ZFHX3: variants seen among roughly 807,000 people sequenced by gnomAD.
ZFHX3 encodes zinc finger homeobox 3.
ZFHX3 carries 42 observed loss-of-function variants against 279.1 expected under a neutral mutation model. The ratio of observed to expected loss-of-function variants is 0.15; its 90% confidence interval spans 0.12 to 0.19. The LOEUF is 0.19. Among genes scored for constraint, ZFHX3 ranks in the 10% least tolerant of loss-of-function variants. ZFHX3 has a pLI of 1.00. For synonymous variants in ZFHX3, 2,293 were observed against 1,957.8 expected, an observed-to-expected ratio of 1.17 and a Z score of -4.52; for missense variants, 4,981 against 4,754.0, an observed-to-expected ratio of 1.05 and a Z score of -1.40.
intron 1 of ZFHX3, among the ~76,000 whole-genome samples, chr16:73,776,860 C>A (rs1044849893): frequency 5.3e-5 from 8 of 152,136 alleles, no homozygotes; most frequent in African/African-American, 1.9e-4. Context: ...TGCCAGCTGT[C>A]CATATAAGCA....
intron 2 of ZFHX3, among the ~76,000 whole-genome samples, chr16:73,467,178 A>G (rs559461727): frequency 6.7e-4 from 102 of 152,226 alleles, no homozygotes; most frequent in Non-Finnish European, 1.2e-3. Context: ...AGGAGTCAGG[A>G]AAAGAGAGGG....
intron 3 of ZFHX3, among the ~76,000 whole-genome samples, chr16:73,394,999 T>A (rs2017098876): frequency 6.6e-6 from 1 of 152,082 alleles, no homozygotes; most frequent in Non-Finnish European, 1.5e-5. Flanking sequence ...AGAGCAGTGG[T>A]TTTCAATAAG....
At chr16:73,813,229 TTCTCTCTCTC>T (rs3082305) in intron 1 of ZFHX3, among the ~76,000 whole-genome samples, 8 of 147,736 alleles carry the variant, frequency 5.4e-5, no homozygotes, top group African/African-American at 9.9e-5. Flanking sequence ...CTCTTTCTCT[TTCTCTCTCTC>T]TCTCTCTCTC....
In ZFHX3 at chr16:72,958,494, C is replaced by A; in HGVS notation, c.1652G>T (p.Ser551Ile). The A allele has an allele frequency of 6.2e-7, 1 of 1,614,118 alleles. No homozygotes were observed. Among genetic ancestry groups the A allele is most frequent in the Non-Finnish European group, 8.5e-7 (1 of 1,180,046 alleles). ...QTLSRGTAST[S>I]SNSASSFVVF... ...AACAAAGGAAGAAGCAGAATTAGAACTAGTAGAAGCTGTGCCCCTCGACAG... is the reference window on the plus strand; with the variant it reads ...AACAAAGGAAGAAGCAGAATTAGAAATAGTAGAAGCTGTGCCCCTCGACAG... Residue 551 changes from serine (S) to isoleucine (I), a missense_variant, in exon 2 of 10, where the codon AGT becomes ATT. Ser to Ile is a moderately radical substitution (Grantham distance 142). Transcript: ENST00000268489.
intron 4 of ZFHX3, among the ~76,000 whole-genome samples, chr16:72,838,760 T>G (rs1318715264): frequency 6.6e-6 from 1 of 152,200 alleles, no homozygotes; most frequent in Admixed American, 6.5e-5. Context: ...TGCAACAAGT[T>G]CCATTTATCT....
At chr16:73,835,056 T>A (rs1961102391) in intron 1 of ZFHX3, among the ~76,000 whole-genome samples, 1 of 152,128 alleles carries the variant, frequency 6.6e-6, no homozygotes, top group Non-Finnish European at 1.5e-5. Flanking sequence ...GAAAAGGTGT[T>A]CTGGTAGCAA....
chr16:73,672,041 G>C (rs2142185843), intron 2 of ZFHX3, among the ~76,000 whole-genome samples: 1 of 145,898 alleles, frequency 6.9e-6, no homozygotes, highest in South Asian at 2.1e-4. Flanking sequence ...ACAGATCTGA[G>C]GGGAAAAAAA....
At chr16:73,036,868 A>G (rs1245646702) in intron 1 of ZFHX3, among the ~76,000 whole-genome samples, 1 of 152,224 alleles carries the variant, frequency 6.6e-6, no homozygotes, top group Admixed American at 6.5e-5. Flanking sequence ...CCTACTCAAG[A>G]GGTGAAGCGA....
chr16:73,698,408 T>A (rs1022396120), intron 1 of ZFHX3, among the ~76,000 whole-genome samples: 2 of 152,136 alleles, frequency 1.3e-5, no homozygotes, highest in African/African-American at 4.8e-5. Flanking sequence ...GATGCTAATA[T>A]CGGTGGGTGA....
chr16:73,681,664 G>C (rs1389123720), intron 1 of ZFHX3, among the ~76,000 whole-genome samples: 1 of 152,136 alleles, frequency 6.6e-6, no homozygotes, highest in Admixed American at 6.5e-5. Context: ...GATAGGAGTT[G>C]CCCAAAGACA....
intron 1 of ZFHX3, among the ~76,000 whole-genome samples, chr16:73,813,560 A>G (rs146867937): frequency 1.2e-3 from 190 of 152,050 alleles, no homozygotes; most frequent in Admixed American, 1.8e-3. Flanking sequence ...GGCATTGCAT[A>G]CCCCTTCCTT....
intron 1 of ZFHX3, among the ~76,000 whole-genome samples, chr16:73,816,649 G>C (rs1157459599): frequency 6.6e-6 from 1 of 152,176 alleles, no homozygotes; most frequent in Non-Finnish European, 1.5e-5. Context: ...GAGAAAAAGA[G>C]AGAGGGCTGA....
chr16:72,997,213 G>A lies in ZFHX3; in HGVS notation c.-49-37019C>T, dbSNP rs74028180. ...CTCCCATCTGTCACTGGCGGGGTAA[G>A]ATCTGTCTTGCATATCATGGCGGTC... On this transcript the variant is annotated intron_variant, in intron 1 of 9. Coordinates refer to ENST00000268489, the MANE Select transcript of ZFHX3 (RefSeq NM_006885.4). 7.4e-3 allele frequency among the ~76,000 whole-genome samples: 1,134 copies of A among 152,306 alleles called. 11 individuals carry two copies. Among genetic ancestry groups the A allele is most frequent in the African/African-American group, 0.025 (1,034 of 41,558 alleles).
chr16:73,457,743 C>T (rs1339441411), intron 2 of ZFHX3, among the ~76,000 whole-genome samples: 1 of 152,154 alleles, frequency 6.6e-6, no homozygotes, highest in Admixed American at 6.5e-5. Flanking sequence ...CCACTGCACT[C>T]CGGCCTGGGC....
At chr16:73,178,481 A>C (rs1253243259) in intron 5 of ZFHX3, among the ~76,000 whole-genome samples, 1 of 151,954 alleles carries the variant, frequency 6.6e-6, no homozygotes, top group African/African-American at 2.4e-5. Flanking sequence ...CCCTACCCCA[A>C]AGACTCCTTC....
chr16:73,156,414 T>C (rs113557892), intron 5 of ZFHX3, among the ~76,000 whole-genome samples: 142 of 152,146 alleles, frequency 9.3e-4, no homozygotes, highest in African/African-American at 2.9e-3. Context: ...ATGGGGTAGA[T>C]TGCAAAGCAG....
At chr16:73,048,350 ACCCGGGGACG>A (rs1567650331), upstream of ZFHX3, 1 of 151,496 alleles carries the variant, frequency 6.6e-6, no homozygotes, top group African/African-American at 2.4e-5. Flanking sequence ...GCCCGCAGGG[ACCCGGGGACG>A]CACAGGGACG....
chr16:73,669,112 G>A (rs1292637463), intron 2 of ZFHX3, among the ~76,000 whole-genome samples: 2 of 150,066 alleles, frequency 1.3e-5, no homozygotes. Context: ...GGAGTGCAGT[G>A]GTGCGATCTG....
chr16:73,041,596 A>C (rs955494045), intron 1 of ZFHX3, among the ~76,000 whole-genome samples: 2 of 152,198 alleles, frequency 1.3e-5, no homozygotes, highest in Non-Finnish European at 2.9e-5. Flanking sequence ...ATCAAATAAC[A>C]TAAGGGGACA....
Sources: allele counts gnomAD v4.1 joint callset (sites outside exome capture counted in the v4.1 genomes callset), GRCh38; gene constraint gnomAD v4.1.1; transcripts MANE v1.5; gene names NCBI Gene and HGNC (gene_info 2026-07-23, HGNC 2026-07-21).